Variants in MCM6 observed in about 807,000 individuals in gnomAD.
The protein encoded by MCM6 is DNA replication licensing factor MCM6.
MCM6 carries 46 observed loss-of-function variants against 94.3 expected under a neutral mutation model. The ratio of observed to expected loss-of-function variants is 0.49; its 90% confidence interval spans 0.39 to 0.62. The LOEUF (loss-of-function observed/expected upper bound fraction) is 0.62, where lower values mean the gene tolerates loss of function less well. MCM6 is among the 20% of genes least tolerant of loss of function. The pLI is 0.00. For missense variants in MCM6, 865 were observed against 1,017.9 expected, an observed-to-expected ratio of 0.85 and a Z score of 2.04; for synonymous variants, 335 against 351.9, an observed-to-expected ratio of 0.95 and a Z score of 0.54.
rs575125274 is a variant in MCM6, at chr2:135,872,570, C to A, written c.254+127G>T. 4 of 986,914 alleles carry A rather than the reference C, an allele frequency of 4.1e-6. No homozygotes were observed. The South Asian group carries it at 6.4e-5, about 16-fold the overall frequency. 61.1% of individuals were successfully genotyped at this position (986,914 alleles called of 1,614,324 possible). A position where few individuals can be genotyped will look rare whatever the true frequency, so the allele number is the denominator to read the frequency against. ...GACCACTGGCAGTATCAAAGCGCCT[C>A]TTCTCAGTGGGAAATAACTGTGAAA... On this transcript the variant is annotated intron_variant, in intron 2 of 16. Transcript: ENST00000264156.
intron 4 of MCM6, among the ~76,000 whole-genome samples, chr2:135,867,542 A>C (rs1680121330): frequency 6.6e-6 from 1 of 152,218 alleles, no homozygotes; most frequent in Non-Finnish European, 1.5e-5. Flanking sequence ...TTCATCTGAT[A>C]ATAATTATTC....
Position 135,857,893 on chromosome 2 carries a change from ATACCTTCACTCCTGCTTTAGTG to A in MCM6, c.1452_1470+3del. 1 of 1,610,068 alleles carries A rather than the reference ATACCTTCACTCCTGCTTTAGTG, an allele frequency of 6.2e-7. No homozygotes were observed. ...GCAGCAGAACAGAAGTAGATAACAC[ATACCTTCACTCCTGCTTTAGTG>A]ATGGATATGGTCTGCTGTTCCATAG... On this transcript the variant is annotated splice_donor_variant and splice_donor_region_variant and coding_sequence_variant and intron_variant, in exon 10 of 17. Coordinates refer to ENST00000264156, the MANE Select transcript of MCM6 (RefSeq NM_005915.6). LOFTEE classifies it high-confidence loss of function.
chr2:135,854,799 G>GGAGGCT, intron 11 of MCM6, among the ~76,000 whole-genome samples: 1 of 152,020 alleles, frequency 6.6e-6, no homozygotes, highest in South Asian at 2.1e-4. Context: ...TGTTAGCCCA[G>GGAGGCT]GAGGCTGAGG....
At chr2:135,849,667 A>G (rs1419082990) in intron 13 of MCM6, among the ~76,000 whole-genome samples, 3 of 152,228 alleles carry the variant, frequency 2.0e-5, no homozygotes, top group Admixed American at 6.5e-5. Flanking sequence ...AGAGGAGCTG[A>G]TAAGACTCAA....
chr2:135,859,405 T>G lies in MCM6; in HGVS notation c.1258A>C (p.Ser420Arg). Residue 420 changes from serine (S) to arginine (R), a missense_variant, in exon 9 of 17, where the codon AGT (serine) becomes CGT (arginine). By Grantham distance (110) the Ser-to-Arg change is moderately radical (BLOSUM62 -1). This residue lies in a region of MCM6 where 153 missense variants were observed against 241.5 expected (regional missense o/e 0.63). Coordinates refer to ENST00000264156, the MANE Select transcript of MCM6 (RefSeq NM_005915.6). Reference protein sequence around the residue: ...EEFSPRAVYTSGKASSAAGLT... With the variant: ...EEFSPRAVYTRGKASSAAGLT... ...CCAGCAGCACTGGACGCTTTACCAC[T>G]GGTGTAGACAGCTCTGGGGCTGAAC... The G allele has an allele frequency of 1.2e-6, 2 of 1,613,400 alleles. No homozygotes were observed. Among genetic ancestry groups the G allele is most frequent in the Non-Finnish European group, 1.7e-6 (2 of 1,179,400 alleles).
intron 7 of MCM6, 150 bp from the exon 8 acceptor site, chr2:135,862,898 G>A (rs1241724305): frequency 6.8e-6 from 5 of 737,454 alleles, no homozygotes; most frequent in Middle Eastern, 3.0e-4. Flanking sequence ...CCTGGCTTCC[G>A]ATCTTGGTTC....
chr2:135,876,205 C>A (rs1680294134), intron 1 of MCM6, 54 bp downstream of exon 1: 4 of 1,441,390 alleles, frequency 2.8e-6, no homozygotes, highest in Admixed American at 2.4e-5. Context: ...ACCGCCTGGC[C>A]CAGACGCCGC....
Position 135,876,338 on chromosome 2 carries a change from C to T in MCM6, c.28G>A (p.Gly10Ser). 2.5e-6 allele frequency: 4 copies of T among 1,609,454 alleles called. No individual in the cohort carries two copies. Among genetic ancestry groups the T allele is most frequent in the Non-Finnish European group, 3.4e-6 (4 of 1,179,252 alleles). The change falls in exon 1 of 17, where the codon GGC becomes AGC. Residue 10 changes from glycine to serine, a missense_variant. Coordinates refer to ENST00000264156, the MANE Select transcript of MCM6 (RefSeq NM_005915.6). MDLAAAAEP[G>S]AGSQHLEVRD... ...ACCTCCAGGTGCTGGCTGCCGGCGC[C>T]CGGCTCCGCTGCCGCCGCGAGGTCC...
intron 5 of MCM6, 84 bp from the exon 6 acceptor site, chr2:135,866,361 A>T (rs1167188522): frequency 6.5e-7 from 1 of 1,530,266 alleles, no homozygotes; most frequent in Non-Finnish European, 8.9e-7. Context: ...GAAAGCTATA[A>T]ATCCAAAGAC....
chr2:135,852,820 T>C lies in MCM6; in HGVS notation c.1722A>G (p.Arg574=), dbSNP rs1254244289. The part of the protein sequence containing the change: ...DRVYSLDDIR[R]YLLFARQFKP... ...TAAACTGTCTTGCAAAGAGAAGATA[T>C]CTTCTGATATCATCGAGGGAATAGA... is the stretch of plus-strand genomic sequence containing the variant. Residue 574 remains arginine (R), a synonymous_variant, in exon 12 of 17, where the codon AGA becomes AGG. Coordinates refer to ENST00000264156, the MANE Select transcript of MCM6 (RefSeq NM_005915.6). 2 of 1,606,650 alleles carry C rather than the reference T, an allele frequency of 1.2e-6. No individual in the cohort carries two copies. The highest frequency in any genetic ancestry group is 1.7e-5 in the Admixed American group (1 of 58,460).
chr2:135,864,684 C>T (rs1035366636), intron 7 of MCM6, among the ~76,000 whole-genome samples: 34 of 152,166 alleles, frequency 2.2e-4, no homozygotes, highest in African/African-American at 8.0e-4. Context: ...AGTTCAGTGG[C>T]AGTAAGTACA....
Position 135,851,471 on chromosome 2 carries a change from A to C in MCM6, c.1848T>G (p.Ile616Met). ...GSGVTKSSWR[I>M]TVRQLESMIR... ...TCATGCTCTCAAGCTGTCGCACTGT[A>C]ATCCTCCATGAAGACTTGGTCACTC... The change falls in exon 13 of 17, where the codon ATT (isoleucine) becomes ATG (methionine). Residue 616 changes from isoleucine to methionine, a missense_variant. Around this residue, in one of 3 missense-constraint regions of MCM6, gnomAD observed 308 missense variants for 324.5 expected, o/e 0.95. Coordinates refer to ENST00000264156, the MANE Select transcript of MCM6 (RefSeq NM_005915.6). 1 of 1,613,850 alleles carries C rather than the reference A, an allele frequency of 6.2e-7. No individual in the cohort carries two copies. Among genetic ancestry groups the C allele is most frequent in the Non-Finnish European group, 8.5e-7 (1 of 1,179,906 alleles).
At chr2:135,876,222 C>T (rs757565423) in intron 1 of MCM6, 37 bp downstream of exon 1, 3 of 1,523,590 alleles carry the variant, frequency 2.0e-6, no homozygotes. Flanking sequence ...CCGCAGGCTC[C>T]GGAGGCGGGC....
rs1491215270 is a variant in MCM6 at position 135,840,212 on chromosome 2, T to TTTA, written c.*622_*623insTAA. 1.1e-3 allele frequency: 150 copies of TTTA among 131,594 alleles called. 1 individual carries two copies. The highest frequency in any genetic ancestry group is 4.6e-3 in the African/African-American group (143 of 30,894). The allele number at this position is 131,594 out of a possible 1,614,324, so 8.2% of individuals were successfully genotyped here. A position where few individuals can be genotyped will look rare whatever the true frequency, so the allele number is the denominator to read the frequency against. On this transcript the variant is annotated 3_prime_UTR_variant, in exon 17 of 17. Coordinates refer to ENST00000264156, the MANE Select transcript of MCM6 (RefSeq NM_005915.6). ...GTAATTTTAAAAAAGTATAATAAAC[T>TTTA]TTTATAAACTTAAAAAAAAAAAAAA...
intron 14 of MCM6, 120 bp downstream of exon 14, chr2:135,847,930 TCTG>T: frequency 1.6e-6 from 1 of 640,714 alleles, no homozygotes; most frequent in Non-Finnish European, 2.8e-6. Flanking sequence ...GAATTCAGTA[TCTG>T]CTTTTTCCGT....
chr2:135,849,973 T>C (rs970609905), intron 13 of MCM6, among the ~76,000 whole-genome samples: 2 of 152,224 alleles, frequency 1.3e-5, no homozygotes, highest in Admixed American at 1.3e-4. Flanking sequence ...TATGTGCATA[T>C]ATTTTAATAT....
chr2:135,840,998 C>T, intron 16 of MCM6, 47 bp from the exon 17 acceptor site: 1 of 1,349,312 alleles, frequency 7.4e-7, no homozygotes, highest in East Asian at 2.3e-5. Context: ...AGTATTATAC[C>T]AATGTCCAGA....
chr2:135,840,991 A>G, intron 16 of MCM6, 40 bp from the exon 17 acceptor site: 1 of 1,401,540 alleles, frequency 7.1e-7, no homozygotes, highest in Non-Finnish European at 1.0e-6. Flanking sequence ...TTCAAGCAGT[A>G]TTATACCAAT....
intron 8 of MCM6, among the ~76,000 whole-genome samples, chr2:135,860,934 T>C (rs1558760080): frequency 6.6e-6 from 1 of 152,200 alleles, no homozygotes; most frequent in Non-Finnish European, 1.5e-5. Context: ...ACTATCATTA[T>C]ATACAGATTT....
Sources: allele counts gnomAD v4.1 joint callset (sites outside exome capture counted in the v4.1 genomes callset), GRCh38; gene constraint gnomAD v4.1.1; regional missense constraint gnomAD v4.1.1; transcripts MANE v1.5; gene names NCBI Gene and HGNC (gene_info 2026-07-23, HGNC 2026-07-21).